BRINP3: variants seen among roughly 807,000 people sequenced by gnomAD.
BRINP3 encodes BMP/retinoic acid-inducible neural-specific protein 3.
BRINP3 carries 19 observed loss-of-function variants against 71.0 expected under a neutral mutation model. That is an observed-to-expected ratio of 0.27 (90% CI 0.19 to 0.39). The LOEUF (loss-of-function observed/expected upper bound fraction) is 0.39. Ranked by LOEUF, BRINP3 falls within the 10% of genes least tolerant of loss-of-function variation. BRINP3 has a pLI of 1.00. For synonymous variants in BRINP3, 380 were observed against 337.7 expected, an observed-to-expected ratio of 1.13 and a Z score of -1.37; for missense variants, 959 against 940.8, an observed-to-expected ratio of 1.02 and a Z score of -0.25.
chr1:190,170,731 T>G (rs1215581018), intron 6 of BRINP3, among the ~76,000 whole-genome samples: 1 of 152,176 alleles, frequency 6.6e-6, no homozygotes, highest in African/African-American at 2.4e-5. Context: ...AAAATTATAA[T>G]GTGTGTAAAT....
At chr1:190,229,348 C>T (rs961145898) in intron 5 of BRINP3, among the ~76,000 whole-genome samples, 4 of 151,910 alleles carry the variant, frequency 2.6e-5, no homozygotes, top group Admixed American at 6.6e-5. Flanking sequence ...CTCTTGTCTG[C>T]CCCCATATAA....
intron 2 of BRINP3, among the ~76,000 whole-genome samples, chr1:190,405,603 T>C (rs974031976): frequency 2.7e-5 from 4 of 150,450 alleles, no homozygotes; most frequent in Non-Finnish European, 5.9e-5. Flanking sequence ...GCTTACCATA[T>C]AAATTAGTGC....
chr1:190,421,371 C>A (rs1455308600), intron 2 of BRINP3, among the ~76,000 whole-genome samples: 1 of 149,638 alleles, frequency 6.7e-6, no homozygotes, highest in Non-Finnish European at 1.5e-5. Context: ...TTTTGGGTAA[C>A]TCTGGGTTTT....
chr1:190,298,453 A>C (rs557396004), intron 2 of BRINP3, among the ~76,000 whole-genome samples: 3 of 151,480 alleles, frequency 2.0e-5, no homozygotes, highest in Non-Finnish European at 4.4e-5. Context: ...TTTCTACATG[A>C]AAGTTTTTTG....
intron 4 of BRINP3, among the ~76,000 whole-genome samples, chr1:190,241,339 G>T (rs1217592783): frequency 6.6e-6 from 1 of 152,036 alleles, no homozygotes; most frequent in Admixed American, 6.6e-5. Context: ...TGAAATGAGA[G>T]CTAGAACTGG....
chr1:190,283,004 C>T (rs924127482), intron 2 of BRINP3, among the ~76,000 whole-genome samples: 1 of 151,884 alleles, frequency 6.6e-6, no homozygotes, highest in African/African-American at 2.4e-5. Flanking sequence ...TAATGAGGAA[C>T]AGTGTACATA....
intron 1 of BRINP3, among the ~76,000 whole-genome samples, chr1:190,464,068 A>G (rs1006562987): frequency 1.3e-5 from 2 of 151,872 alleles, no homozygotes; most frequent in Non-Finnish European, 2.9e-5. Flanking sequence ...ATAATTCTGA[A>G]ATTTAAAAAG....
chr1:190,226,388 TATTC>T (rs1231603854), intron 5 of BRINP3, 70 bp from the exon 6 acceptor site: 1 of 837,620 alleles, frequency 1.2e-6, no homozygotes, highest in Non-Finnish European at 1.8e-6. Flanking sequence ...TTATTTATAA[TATTC>T]AATCAAAACA....
chr1:190,454,500 C>A (rs926062625), intron 2 of BRINP3, among the ~76,000 whole-genome samples, 155 bp downstream of exon 2: 2 of 152,094 alleles, frequency 1.3e-5, no homozygotes, highest in African/African-American at 4.8e-5. Flanking sequence ...ATAAGAAATA[C>A]TTTGAATAGC....
intron 2 of BRINP3, among the ~76,000 whole-genome samples, chr1:190,444,792 C>T (rs1336346314): frequency 6.6e-6 from 1 of 152,122 alleles, no homozygotes; most frequent in Non-Finnish European, 1.5e-5. Context: ...CCTTGGCCCC[C>T]CCAAGGTGCT....
intron 6 of BRINP3, among the ~76,000 whole-genome samples, chr1:190,221,411 A>G (rs1449418042): frequency 6.6e-6 from 1 of 152,144 alleles, no homozygotes; most frequent in African/African-American, 2.4e-5. Flanking sequence ...AAGCCTCATA[A>G]CTTGAGATAA....
At chr1:190,163,500 A>G (rs1651203216) in intron 6 of BRINP3, among the ~76,000 whole-genome samples, 1 of 152,082 alleles carries the variant, frequency 6.6e-6, no homozygotes, top group Non-Finnish European at 1.5e-5. Flanking sequence ...ATGGAGAAAC[A>G]AAGTAACCAA....
At position 190,325,796 on chromosome 1, in the gene BRINP3, T is replaced by C. The variant is rs74129283; in HGVS notation, c.237-44046A>G. ...TATCCAAAAATATTTTTATCATTTC[T>C]GCATGTACATAACAATTATAAAATG... On this transcript the variant is annotated intron_variant, in intron 2 of 7. Transcript: ENST00000367462. Among the ~76,000 whole-genome samples, 1,080 of 152,270 alleles carry C rather than the reference T, an allele frequency of 7.1e-3. 17 individuals are homozygous for C. The highest frequency in any genetic ancestry group is 0.024 in the African/African-American group (1,013 of 41,592).
chr1:190,300,435 C>T (rs1198773507), intron 2 of BRINP3, among the ~76,000 whole-genome samples: 1 of 152,154 alleles, frequency 6.6e-6, no homozygotes, highest in African/African-American at 2.4e-5. Flanking sequence ...ATTGGTTATT[C>T]TAGTTATACA....
At chr1:190,211,128 C>T (rs1011120381) in intron 6 of BRINP3, among the ~76,000 whole-genome samples, 1 of 151,986 alleles carries the variant, frequency 6.6e-6, no homozygotes, top group Non-Finnish European at 1.5e-5. Context: ...GACTTGCAGA[C>T]GGCCTATTGT....
At chr1:190,127,167 AT>A (rs1334046803) in intron 7 of BRINP3, among the ~76,000 whole-genome samples, 2 of 151,712 alleles carry the variant, frequency 1.3e-5, no homozygotes, top group African/African-American at 4.8e-5. Flanking sequence ...TATATTTTAT[AT>A]TTTTATCTGA....
At chr1:190,365,516 A>C (rs1193888651) in intron 2 of BRINP3, among the ~76,000 whole-genome samples, 2 of 148,368 alleles carry the variant, frequency 1.3e-5, no homozygotes, top group Non-Finnish European at 3.0e-5. Context: ...TATGATAATT[A>C]TATTATAATT....
intron 1 of BRINP3, among the ~76,000 whole-genome samples, chr1:190,456,560 A>G (rs1676005878): frequency 6.6e-6 from 1 of 152,002 alleles, no homozygotes; most frequent in Non-Finnish European, 1.5e-5. Flanking sequence ...AATTTGCTGA[A>G]AAAATATTTT....
chr1:190,369,655 A>AC (rs1257276264), intron 2 of BRINP3, among the ~76,000 whole-genome samples: 1 of 151,414 alleles, frequency 6.6e-6, no homozygotes, highest in Non-Finnish European at 1.5e-5. Flanking sequence ...CATAGACTTA[A>AC]AAAAAAGTAT....
Sources: gnomAD v4.1 joint callset for allele counts (sites outside exome capture counted in the v4.1 genomes callset) on GRCh38, gnomAD v4.1.1 for gene constraint, MANE v1.5 for transcripts, NCBI Gene and HGNC (gene_info 2026-07-23, HGNC 2026-07-21) for gene names.